The following LUZP2 variants were observed in gnomAD, a reference collection of about 807,000 sequenced individuals.
LUZP2 encodes the protein leucine zipper protein 2.
In LUZP2, 52 loss-of-function variants were observed where a neutral mutation model predicts 51.6. The ratio of observed to expected loss-of-function variants is 1.01; its 90% CI spans 0.81 to 1.27. LUZP2 has a LOEUF of 1.27. Ranked by LOEUF, LUZP2 falls within the 50% of genes most tolerant of loss-of-function variation. LUZP2 has a pLI of 0.00. For synonymous variants in LUZP2, 154 were observed against 137.3 expected, an observed-to-expected ratio of 1.12 and a Z score of -0.85; for missense variants, 436 against 395.4, an observed-to-expected ratio of 1.10 and a Z score of -0.87.
intron 4 of LUZP2, among the ~76,000 whole-genome samples, chr11:24,760,885 C>T (rs546392428): frequency 1.7e-4 from 26 of 152,184 alleles, no homozygotes; most frequent in Non-Finnish European, 3.5e-4. Flanking sequence ...AACTGACTTC[C>T]TCTGCATATT....
At chr11:24,813,900 A>T (rs191348687) in intron 5 of LUZP2, among the ~76,000 whole-genome samples, 32 of 152,314 alleles carry the variant, frequency 2.1e-4, no homozygotes, top group African/African-American at 6.3e-4. Flanking sequence ...CATGATGATG[A>T]GCAAAGTTCA....
intron 1 of LUZP2, among the ~76,000 whole-genome samples, chr11:24,713,182 G>A (rs1363756073): frequency 6.6e-6 from 1 of 152,130 alleles, no homozygotes; most frequent in Non-Finnish European, 1.5e-5. Flanking sequence ...GAACAAGAGT[G>A]ACTTCAGATA....
At chr11:24,608,729 ATAT>A (rs1386133749) in intron 1 of LUZP2, among the ~76,000 whole-genome samples, 4 of 152,228 alleles carry the variant, frequency 2.6e-5, no homozygotes, top group African/African-American at 9.6e-5. Flanking sequence ...TGTTCAACAA[ATAT>A]TATAATGATA....
At chr11:24,697,815 A>G (rs1857293240) in intron 1 of LUZP2, among the ~76,000 whole-genome samples, 1 of 152,152 alleles carries the variant, frequency 6.6e-6, no homozygotes, top group Non-Finnish European at 1.5e-5. Context: ...AGATAACATC[A>G]CCATTATAAA....
At chr11:24,925,809 G>A (rs1435688777) in intron 7 of LUZP2, among the ~76,000 whole-genome samples, 1 of 151,644 alleles carries the variant, frequency 6.6e-6, no homozygotes, top group Non-Finnish European at 1.5e-5. Flanking sequence ...TAGTTTGTTA[G>A]TGGTGATTTC....
chr11:24,931,278 C>T (rs185470007), intron 7 of LUZP2, among the ~76,000 whole-genome samples: 1 of 149,048 alleles, frequency 6.7e-6, no homozygotes, highest in Non-Finnish European at 1.5e-5. Context: ...ATAAAAAGTT[C>T]TTTTTTATTT....
intron 9 of LUZP2, among the ~76,000 whole-genome samples, chr11:25,047,602 C>CA (rs138992989): frequency 0.47 from 71,194 of 151,762 alleles, 17,138 homozygotes; most frequent in Non-Finnish European, 0.51. Context: ...GATTCTAACC[C>CA]TTGTTCAGAA....
intron 5 of LUZP2, among the ~76,000 whole-genome samples, chr11:24,866,102 C>CCT (rs1851886647): frequency 6.9e-6 from 1 of 145,598 alleles, no homozygotes; most frequent in South Asian, 2.2e-4. Flanking sequence ...AGTCTCCCGG[C>CCT]CTGCATTTCA....
At chr11:24,544,676 T>C (rs1176281687) in intron 1 of LUZP2, among the ~76,000 whole-genome samples, 3 of 152,124 alleles carry the variant, frequency 2.0e-5, no homozygotes, top group East Asian at 1.9e-4. Flanking sequence ...CTTTATTTTG[T>C]CTACCTCTGA....
chr11:24,552,502 G>A lies in LUZP2; in HGVS notation c.62+55197G>A, dbSNP rs142038575. On this transcript the variant is annotated intron_variant, in intron 1 of 11. Coordinates refer to ENST00000336930, the MANE Select transcript of LUZP2 (RefSeq NM_001009909.4). ...ATAAACAATATTATCTAGACTTTCA[G>A]TACTTTAAGAGAATAAGTAAAGCTG... 2.0e-3 allele frequency among the ~76,000 whole-genome samples: 302 copies of A among 151,984 alleles called. 1 individual carries two copies. The highest frequency in any genetic ancestry group is 7.1e-3 in the African/African-American group (293 of 41,510).
intron 1 of LUZP2, among the ~76,000 whole-genome samples, chr11:24,624,996 G>C (rs1295752495): frequency 5.9e-5 from 9 of 152,152 alleles, no homozygotes; most frequent in Non-Finnish European, 1.3e-4. Flanking sequence ...TGGTATGCAT[G>C]GTGAGCACAG....
At chr11:24,975,485 A>C (rs1855860178) in intron 7 of LUZP2, among the ~76,000 whole-genome samples, 1 of 152,054 alleles carries the variant, frequency 6.6e-6, no homozygotes, top group Non-Finnish European at 1.5e-5. Flanking sequence ...GGCAATTCTC[A>C]TGGCCCAGCA....
intron 9 of LUZP2, among the ~76,000 whole-genome samples, chr11:24,997,445 C>T (rs369970568): frequency 0.014 from 2,153 of 152,084 alleles, 24 homozygotes; most frequent in Non-Finnish European, 0.022. Flanking sequence ...TCATGTCCTT[C>T]GCCCACTTTT....
At chr11:25,010,449 G>A (rs1856948417) in intron 9 of LUZP2, among the ~76,000 whole-genome samples, 1 of 152,120 alleles carries the variant, frequency 6.6e-6, no homozygotes, top group African/African-American at 2.4e-5. Flanking sequence ...TCAGGATGCT[G>A]AAGCAAGAGA....
intron 1 of LUZP2, among the ~76,000 whole-genome samples, chr11:24,549,970 G>A (rs1590169175): frequency 6.6e-6 from 1 of 152,002 alleles, no homozygotes; most frequent in African/African-American, 2.4e-5. Context: ...AAAAAGACTT[G>A]TTAGTACATA....
rs58768586 is a variant in LUZP2 at position 24,636,346 on chromosome 11, T to C, written c.63-92823T>C. On this transcript the variant is annotated intron_variant, in intron 1 of 11. Coordinates refer to ENST00000336930, the MANE Select transcript of LUZP2 (RefSeq NM_001009909.4). ...AATAAGTAATTAAATATAATCAACCTGGAGCTAAGGCATAGATAGCATGCT... is the reference window on the plus strand; with the variant it reads ...AATAAGTAATTAAATATAATCAACCCGGAGCTAAGGCATAGATAGCATGCT... Among the ~76,000 whole-genome samples, 812 of 152,236 alleles carry C rather than the reference T, an allele frequency of 5.3e-3. 8 individuals carry two copies. The highest frequency in any genetic ancestry group is 0.018 in the African/African-American group (764 of 41,544).
intron 7 of LUZP2, among the ~76,000 whole-genome samples, chr11:24,967,189 A>G (rs1388979711): frequency 6.6e-6 from 1 of 151,806 alleles, no homozygotes; most frequent in Non-Finnish European, 1.5e-5. Context: ...GATGTTGGAG[A>G]CACATTTTAA....
chr11:24,799,300 C>T (rs1849629421), intron 5 of LUZP2, among the ~76,000 whole-genome samples: 1 of 152,026 alleles, frequency 6.6e-6, no homozygotes, highest in Non-Finnish European at 1.5e-5. Context: ...ACTTCCACAG[C>T]TATTAAATTC....
Position 24,729,243 on chromosome 11 carries a change from C to G in LUZP2, c.137C>G (p.Thr46Arg), listed in dbSNP as rs771430831. 6 of 1,575,322 alleles carry G rather than the reference C, an allele frequency of 3.8e-6. No homozygotes were observed. The highest frequency in any genetic ancestry group is 4.3e-6 in the Non-Finnish European group (5 of 1,154,442). ...KERSTILRQL[T>R]KTSRELDGIK... ...CGAAGCACCATTCTTCGTCAGCTGA[C>G]AAAGACATCAAGAGAACTTGATGGA... is the stretch of plus-strand genomic sequence containing the variant. Residue 46 changes from threonine to arginine, a missense_variant, in exon 2 of 12, where the codon ACA becomes AGA. Transcript: ENST00000336930.
Sources: gnomAD v4.1 joint callset for allele counts (sites outside exome capture counted in the v4.1 genomes callset) on GRCh38, gnomAD v4.1.1 for gene constraint, MANE v1.5 for transcripts, NCBI Gene and HGNC (gene_info 2026-07-23, HGNC 2026-07-21) for gene names.